The following COL24A1 variants were observed in gnomAD, a reference collection of about 807,000 sequenced individuals.
COL24A1 encodes collagen type XXIV alpha 1 chain, also known as collagen alpha-1(XXIV) chain.
A neutral mutation model predicts 253.9 loss-of-function variants in COL24A1; 224 were observed. That is an observed-to-expected ratio of 0.88 (90% CI 0.79 to 0.99). COL24A1 has a LOEUF of 0.99. Among genes scored for constraint, COL24A1 ranks in the 50% least tolerant of loss-of-function variants. COL24A1 has a pLI of 0.00. For synonymous variants in COL24A1, 685 were observed against 673.7 expected, an observed-to-expected ratio of 1.02 and a Z score of -0.26; for missense variants, 2,131 against 2,068.5, an observed-to-expected ratio of 1.03 and a Z score of -0.59.
intron 57 of COL24A1, among the ~76,000 whole-genome samples, chr1:85,743,824 A>G (rs534812436): frequency 2.6e-5 from 4 of 152,168 alleles, no homozygotes; most frequent in Non-Finnish European, 5.9e-5. Context: ...TGTTTGATTA[A>G]TGTAAACAAA....
At chr1:85,933,274 AAT>A (rs1282480219) in intron 24 of COL24A1, among the ~76,000 whole-genome samples, 2 of 152,214 alleles carry the variant, frequency 1.3e-5, no homozygotes, top group Admixed American at 1.3e-4. Flanking sequence ...CTGTCAGCCA[AAT>A]AGAGTTCATC....
intron 5 of COL24A1, among the ~76,000 whole-genome samples, chr1:86,094,215 A>G (rs1006649420): frequency 5.3e-5 from 8 of 152,180 alleles, no homozygotes; most frequent in Admixed American, 3.3e-4. Context: ...CAGTATTCAC[A>G]ATAGAAATGA....
At chr1:86,110,124 T>C (rs915772900) in intron 5 of COL24A1, among the ~76,000 whole-genome samples, 2 of 151,860 alleles carry the variant, frequency 1.3e-5, no homozygotes, top group African/African-American at 2.4e-5. Context: ...AAAATATATA[T>C]TGGGAATGGG....
chr1:86,128,173 A>C (rs1044822537), intron 2 of COL24A1, among the ~76,000 whole-genome samples: 5 of 152,062 alleles, frequency 3.3e-5, no homozygotes. Flanking sequence ...ATTCACACAA[A>C]ATTTAAACTT....
intron 20 of COL24A1, among the ~76,000 whole-genome samples, chr1:85,971,737 G>A (rs563713727): frequency 6.6e-6 from 1 of 152,244 alleles, no homozygotes; most frequent in South Asian, 2.1e-4. Context: ...TGTTCACAAA[G>A]TCTGAAAACA....
intron 12 of COL24A1, among the ~76,000 whole-genome samples, chr1:86,043,016 A>G (rs1377420267): frequency 2.0e-5 from 3 of 152,190 alleles, no homozygotes; most frequent in Admixed American, 6.5e-5. Context: ...GAAGTTTTTC[A>G]TGGCTATTGC....
rs1283353264 is a variant in COL24A1 at position 85,940,162 on chromosome 1, T to C, written c.2562+21087A>G. Among the ~76,000 whole-genome samples, 11 of 16,642 alleles carry C rather than the reference T, an allele frequency of 6.6e-4. 3 individuals are homozygous for C. Among genetic ancestry groups the C allele is most frequent in the African/African-American group, 1.6e-3 (11 of 6,872 alleles). The allele number at this position is 16,642 out of a possible 152,430, so 10.9% of individuals were successfully genotyped here. On this transcript the variant is annotated intron_variant, in intron 24 of 59. Coordinates refer to ENST00000370571, the MANE Select transcript of COL24A1 (RefSeq NM_152890.7). ...GCTCACGCCTGTAATCCCAGCACTT[T>C]GGGAGGCCGAGGCGGGCGGATCACG...
chr1:85,969,147 A>G (rs1312207856), intron 22 of COL24A1, among the ~76,000 whole-genome samples: 2 of 152,206 alleles, frequency 1.3e-5, no homozygotes, highest in Non-Finnish European at 2.9e-5. Context: ...AATAAGATCA[A>G]TTTTATTGGG....
chr1:86,033,212 A>G (rs957382917), intron 13 of COL24A1, among the ~76,000 whole-genome samples: 48 of 152,174 alleles, frequency 3.2e-4, no homozygotes, highest in Non-Finnish European at 7.4e-5. Flanking sequence ...ACGTGTAATT[A>G]TTGGAACTAT....
chr1:85,819,676 AAAT>A (rs1280182318), intron 45 of COL24A1, among the ~76,000 whole-genome samples: 1 of 152,104 alleles, frequency 6.6e-6, no homozygotes, highest in Non-Finnish European at 1.5e-5. Flanking sequence ...AACAGATTTA[AAAT>A]AATAATAATA....
intron 47 of COL24A1, among the ~76,000 whole-genome samples, chr1:85,806,754 C>A (rs1672014492): frequency 6.6e-6 from 1 of 152,170 alleles, no homozygotes; most frequent in South Asian, 2.1e-4. Flanking sequence ...AACAAGTTGG[C>A]TGGATTTTAT....
At chr1:85,994,595 G>C (rs966287011) in intron 19 of COL24A1, among the ~76,000 whole-genome samples, 13 of 152,196 alleles carry the variant, frequency 8.5e-5, no homozygotes, top group African/African-American at 2.6e-4. Context: ...TGTCATGTCA[G>C]TAATATGATG....
At chr1:85,865,714 T>G (rs2102489143) in intron 37 of COL24A1, among the ~76,000 whole-genome samples, 1 of 152,348 alleles carries the variant, frequency 6.6e-6, no homozygotes, top group Non-Finnish European at 1.5e-5. Flanking sequence ...AGTTGATTTT[T>G]TAAATATACA....
chr1:85,848,583 T>G (rs184336635), intron 38 of COL24A1, among the ~76,000 whole-genome samples: 2 of 152,324 alleles, frequency 1.3e-5, no homozygotes, highest in African/African-American at 4.8e-5. Flanking sequence ...GTGCTGGGAT[T>G]ACAGGTGTGA....
At chr1:85,925,162 G>A (rs1202496234) in intron 24 of COL24A1, among the ~76,000 whole-genome samples, 4 of 152,134 alleles carry the variant, frequency 2.6e-5, no homozygotes, top group Admixed American at 6.5e-5. Flanking sequence ...ACTGAACAAT[G>A]AAATAAAAGA....
chr1:86,023,802 C>T (rs1697772830), intron 14 of COL24A1, among the ~76,000 whole-genome samples: 1 of 151,828 alleles, frequency 6.6e-6, no homozygotes, highest in African/African-American at 2.4e-5. Context: ...AACAAAATGG[C>T]ACTTCTTGGT....
chr1:85,744,660 A>G lies in COL24A1; in HGVS notation c.4672+6T>C, dbSNP rs147783303. 10,364 of 1,598,148 alleles carry G rather than the reference A, an allele frequency of 6.5e-3. 193 individuals carry two copies. Among genetic ancestry groups the G allele is most frequent in the Non-Finnish European group, 4.7e-3 (5,466 of 1,170,982 alleles). On this transcript the variant is annotated splice_donor_region_variant and intron_variant, in intron 57 of 59. Transcript: ENST00000370571. ...CTATCAGAGTTTGAGGTAACCAAGA[A>G]CTTACCATCTGATACTTTTTGTTCA... is the stretch of plus-strand genomic sequence containing the variant.
intron 43 of COL24A1, 113 bp from the exon 44 acceptor site, chr1:85,823,851 C>A: frequency 1.1e-6 from 1 of 896,818 alleles, no homozygotes; most frequent in South Asian, 1.6e-5. Context: ...ACTTAAATGT[C>A]GTAGAGATTA....
At chr1:85,810,052 T>C (rs2101871855) in intron 47 of COL24A1, among the ~76,000 whole-genome samples, 1 of 137,086 alleles carries the variant, frequency 7.3e-6, no homozygotes, top group South Asian at 2.6e-4. Flanking sequence ...TCAGCAGCAC[T>C]TGTTTTCCAA....
Sources: gnomAD v4.1 joint callset for allele counts (sites outside exome capture counted in the v4.1 genomes callset) on GRCh38, gnomAD v4.1.1 for gene constraint, MANE v1.5 for transcripts, NCBI Gene and HGNC (gene_info 2026-07-23, HGNC 2026-07-21) for gene names.